Variants in FAM193A observed in about 807,000 individuals in gnomAD.
FAM193A encodes the protein family with sequence similarity 193 member A.
Under a neutral mutation model 126.5 loss-of-function variants are expected in FAM193A, and 22 were observed. That is an observed-to-expected ratio of 0.17 (90% CI 0.12 to 0.25). FAM193A has a LOEUF of 0.25. FAM193A is among the 10% of genes least tolerant of loss of function. The pLI is 1.00. For missense variants in FAM193A, 1,675 were observed against 1,672.8 expected, an observed-to-expected ratio of 1.00 and a Z score of -0.02; for synonymous variants, 761 against 646.8, an observed-to-expected ratio of 1.18 and a Z score of -2.68.
intron 19 of FAM193A, among the ~76,000 whole-genome samples, chr4:2,705,344 G>C (rs1441872252): frequency 6.6e-6 from 1 of 152,104 alleles, no homozygotes; most frequent in African/African-American, 2.4e-5. Context: ...TTCCTTTTAT[G>C]CGGTCAGCTT....
At chr4:2,654,772 G>A (rs1353209462) in intron 7 of FAM193A, 6 of 254,766 alleles carry the variant, frequency 2.4e-5, no homozygotes, top group Non-Finnish European at 3.7e-5. Flanking sequence ...TGGTTTTATA[G>A]TTTGTAAATC....
intron 9 of FAM193A, 52 bp from the exon 10 acceptor site, chr4:2,659,760 G>T: frequency 6.2e-7 from 1 of 1,613,898 alleles, no homozygotes; most frequent in East Asian, 2.2e-5. Flanking sequence ...AGAGAGCATG[G>T]TCTAGTCTTG....
At chr4:2,557,727 C>T (rs747471975) in intron 1 of FAM193A, among the ~76,000 whole-genome samples, 2 of 151,334 alleles carry the variant, frequency 1.3e-5, no homozygotes, top group Non-Finnish European at 1.5e-5. Context: ...CTGGGATGGA[C>T]GGATCATGAG....
intron 2 of FAM193A, among the ~76,000 whole-genome samples, 183 bp downstream of exon 2, chr4:2,596,512 G>A (rs1740873276): frequency 6.6e-6 from 1 of 152,352 alleles, no homozygotes; most frequent in Non-Finnish European, 1.5e-5. Flanking sequence ...TGCAGTAGGT[G>A]GCAGGACACC....
intron 1 of FAM193A, among the ~76,000 whole-genome samples, chr4:2,551,617 G>C (rs556016591): frequency 6.6e-6 from 1 of 152,248 alleles, no homozygotes; most frequent in South Asian, 2.1e-4. Flanking sequence ...GGAGTCTGTA[G>C]TGATGTCTGC....
At chr4:2,714,196 C>G (rs143102749) in intron 19 of FAM193A, among the ~76,000 whole-genome samples, 2 of 152,264 alleles carry the variant, frequency 1.3e-5, no homozygotes, top group African/African-American at 4.8e-5. Flanking sequence ...CCCTCTCTCA[C>G]CCTTGCTTGT....
Position 2,646,665 on chromosome 4 carries a change from C to A in FAM193A, c.1164-20C>A, listed in dbSNP as rs545901715. The A allele has an allele frequency of 2.3e-5, 36 of 1,580,106 alleles. No homozygotes were observed. In the South Asian group the frequency reaches 2.8e-4, roughly 12 times the overall value. On this transcript the variant is annotated intron_variant, in intron 6 of 20. Transcript: ENST00000637812. ...AGCCTTTGGGTTCTTTCCTTTGTTA[C>A]AAGGCCTTCTCTCTCCTAGGCTAGG...
intron 1 of FAM193A, among the ~76,000 whole-genome samples, chr4:2,560,251 C>G (rs1794447): frequency 0.83 from 126,871 of 152,156 alleles, 54,478 homozygotes; most frequent in East Asian, 0.97. Flanking sequence ...CCTGTGCAGG[C>G]TTTTCTTTCC....
intron 1 of FAM193A, among the ~76,000 whole-genome samples, chr4:2,556,374 T>A (rs571058845): frequency 6.6e-6 from 1 of 152,010 alleles, no homozygotes; most frequent in South Asian, 2.1e-4. Flanking sequence ...CCTGGCTAAT[T>A]TTTTGTATTT....
chr4:2,719,918 G>A (rs1719939261), intron 20 of FAM193A: 1 of 256,166 alleles, frequency 3.9e-6, no homozygotes, highest in Non-Finnish European at 8.1e-6. Flanking sequence ...AGCCCTCCAA[G>A]TAGCCGGGAC....
chr4:2,660,253 A>C (rs1712265274), intron 10 of FAM193A, among the ~76,000 whole-genome samples, 199 bp downstream of exon 10: 1 of 152,182 alleles, frequency 6.6e-6, no homozygotes, highest in Non-Finnish European at 1.5e-5. Flanking sequence ...GGAAAAAAAA[A>C]ACATGGTAAA....
chr4:2,559,632 A>G lies in FAM193A; in HGVS notation c.255+22462A>G, dbSNP rs141757801. On this transcript the variant is annotated intron_variant, in intron 1 of 20. Transcript: ENST00000637812. ...GTCTGGTCTTCCTTACTCTCGCCGT[A>G]GTCTACTGCATTTTCTCTTCTCTGT... Among the ~76,000 whole-genome samples the G allele has an allele frequency of 1.4e-4, 22 of 152,202 alleles. No homozygotes were observed. In the East Asian group the frequency reaches 4.3e-3, roughly 29 times the overall value.
chr4:2,690,188 G>A (rs1435336452), intron 14 of FAM193A, among the ~76,000 whole-genome samples: 1 of 152,194 alleles, frequency 6.6e-6, no homozygotes, highest in African/African-American at 2.4e-5. Context: ...AGCTGCCTCA[G>A]CCACTGAGGC....
intron 8 of FAM193A, among the ~76,000 whole-genome samples, chr4:2,659,105 G>A (rs531238871): frequency 7.2e-4 from 109 of 152,232 alleles, no homozygotes; most frequent in Admixed American, 6.9e-3. Context: ...TGCCAGAGTG[G>A]GTCCAGAGTT....
In FAM193A at chr4:2,544,764, G is replaced by A. The variant is rs1026676798; in HGVS notation, c.255+7594G>A. ...TATACCTGTAATCCCAGTTATGTAGGAGGCTCAGGCTAGAGAATTGCTTGA... is the reference window on the plus strand; with the variant it reads ...TATACCTGTAATCCCAGTTATGTAGAAGGCTCAGGCTAGAGAATTGCTTGA... On this transcript the variant is annotated intron_variant, in intron 1 of 20. Transcript: ENST00000637812. Among the ~76,000 whole-genome samples, 5 of 152,162 alleles carry A rather than the reference G, an allele frequency of 3.3e-5. No individual in the cohort carries two copies. In the South Asian group the frequency reaches 1.0e-3, roughly 32 times the overall value.
At chr4:2,691,881 G>A (rs1716427581) in intron 15 of FAM193A, among the ~76,000 whole-genome samples, 1 of 152,136 alleles carries the variant, frequency 6.6e-6, no homozygotes, top group Non-Finnish European at 1.5e-5. Flanking sequence ...AGGGTGGGAA[G>A]CTCCTTCTTC....
In FAM193A at chr4:2,537,140, G is replaced by A. The variant is rs1736926050; in HGVS notation, c.225G>A (p.Ala75=). The change falls in exon 1 of 21, where the codon GCG becomes GCA. Residue 75 remains alanine, a synonymous_variant. Transcript: ENST00000637812. Reference sequence around the variant, plus strand: ...GGCCTCTCGGCGCGGGCGCGAGCGCGGGCGGCGCCGCCCCCGGAGGCTACT... The same window carrying A: ...GGCCTCTCGGCGCGGGCGCGAGCGCAGGCGGCGCCGCCCCCGGAGGCTACT... ...ANGPLGAGAS[A]GGAAPGGYFE... The A allele has an allele frequency of 1.1e-5, 2 of 187,264 alleles. No individual in the cohort carries two copies. Among genetic ancestry groups the A allele is most frequent in the Admixed American group, 1.3e-4 (2 of 15,822 alleles). 11.6% of individuals were successfully genotyped at this position (187,264 alleles called of 1,614,324 possible).
intron 1 of FAM193A, among the ~76,000 whole-genome samples, chr4:2,568,828 T>G (rs916326608): frequency 2.6e-5 from 4 of 152,168 alleles, no homozygotes; most frequent in Non-Finnish European, 5.9e-5. Context: ...GATTCTAGAT[T>G]ATAGAAGGAT....
At chr4:2,576,424 A>G (rs1739593595) in intron 1 of FAM193A, among the ~76,000 whole-genome samples, 1 of 152,164 alleles carries the variant, frequency 6.6e-6, no homozygotes, top group Non-Finnish European at 1.5e-5. Context: ...TTAGAGCGGG[A>G]TGCAGTGGCA....
Sources: allele counts gnomAD v4.1 joint callset (sites outside exome capture counted in the v4.1 genomes callset), GRCh38; gene constraint gnomAD v4.1.1; transcripts MANE v1.5; gene names NCBI Gene and HGNC (gene_info 2026-07-23, HGNC 2026-07-21).